The following PLEKHS1 variants were observed in gnomAD, a reference collection of about 807,000 sequenced individuals.
The protein encoded by PLEKHS1 is pleckstrin homology domain-containing family S member 1.
In PLEKHS1, 55 loss-of-function variants were observed where a neutral mutation model predicts 51.0. The ratio of observed to expected loss-of-function variants is 1.08; its 90% CI spans 0.87 to 1.35. The LOEUF (loss-of-function observed/expected upper bound fraction) is 1.35, where lower values mean the gene tolerates loss of function less well. PLEKHS1 is among the 40% of genes most tolerant of loss of function. The pLI, the probability that PLEKHS1 is intolerant of heterozygous loss-of-function variation, is 0.00. For synonymous variants in PLEKHS1, 153 were observed against 144.8 expected, an observed-to-expected ratio of 1.06 and a Z score of -0.41; for missense variants, 398 against 423.0, an observed-to-expected ratio of 0.94 and a Z score of 0.52.
In PLEKHS1 at chr10:113,756,422, C is replaced by A. The variant is rs11196477; in HGVS notation, c.28+1117C>A. On this transcript the variant is annotated intron_variant, in intron 2 of 11. Coordinates refer to ENST00000361048, the Ensembl canonical transcript of PLEKHS1. ...GTTGCAGAGAGCCAAGATCGCACCA[C>A]TGCACTCCAGACTGGGTAACAGAGC... Among the ~76,000 whole-genome samples the A allele has an allele frequency of 4.6e-3, 703 of 152,102 alleles. 6 individuals carry two copies. The highest frequency in any genetic ancestry group is 0.016 in the African/African-American group (649 of 41,488).
chr10:113,762,570 T>C (rs929810487), intron 2 of PLEKHS1, among the ~76,000 whole-genome samples: 1 of 152,008 alleles, frequency 6.6e-6, no homozygotes, highest in African/African-American at 2.4e-5. Context: ...AAAAACTTTC[T>C]AATTTATTTT....
exon 12 of PLEKHS1, chr10:113,780,681 A>T (rs775563659): frequency 2.5e-6 from 4 of 1,613,660 alleles, no homozygotes; most frequent in Non-Finnish European, 3.4e-6. Context: ...TCAAAATGCC[A>T]AAGTGCTGCA....
intron 1 of PLEKHS1, among the ~76,000 whole-genome samples, chr10:113,754,190 G>A (rs557925450): frequency 7.2e-5 from 11 of 152,296 alleles, no homozygotes; most frequent in African/African-American, 2.6e-4. Flanking sequence ...TACATGTTAG[G>A]AAGGAAGAAT....
chr10:113,758,337 G>A (rs1040256492), intron 2 of PLEKHS1, among the ~76,000 whole-genome samples: 1 of 152,200 alleles, frequency 6.6e-6, no homozygotes, highest in Non-Finnish European at 1.5e-5. Flanking sequence ...GTGTTAGCAG[G>A]CATGTAAACA....
Position 113,777,266 on chromosome 10 carries a change from C to A in PLEKHS1, c.1091+1400C>A. On this transcript the variant is annotated intron_variant, in intron 11 of 11. Transcript: ENST00000361048. ...CCGGTCCATCCAGAAGGAGGTGAGT[C>A]GTACTGACCAGCCCTGAACAGGGCA... 4 of 1,612,676 alleles carry A rather than the reference C, an allele frequency of 2.5e-6. No individual in the cohort carries two copies. The highest frequency in any genetic ancestry group is 3.4e-6 in the Non-Finnish European group (4 of 1,179,834).
rs762611963 is a variant in PLEKHS1 at position 113,769,804 on chromosome 10, T to C, written c.456T>C (p.Asn152=). 2.5e-6 allele frequency: 4 copies of C among 1,613,430 alleles called. No individual in the cohort carries two copies. The South Asian group carries it at 3.3e-5, about 13-fold the overall frequency. The change falls in exon 7 of 12, where the codon AAT becomes AAC. Residue 152 remains asparagine (N), a synonymous_variant. Coordinates refer to ENST00000361048, the Ensembl canonical transcript of PLEKHS1. ...AGCAGGAGGAACTCTCATTGGGTAA[T>C]AAAAGAACCCTCTTCTACTCCAGCC...
At chr10:113,762,607 T>A (rs1198963011) in intron 2 of PLEKHS1, among the ~76,000 whole-genome samples, 1 of 151,956 alleles carries the variant, frequency 6.6e-6, no homozygotes, top group Admixed American at 6.6e-5. Context: ...TAGAGATTAT[T>A]TATTTCAGGA....
chr10:113,767,340 A>G lies in PLEKHS1; in HGVS notation c.225-5A>G. On this transcript the variant is annotated splice_polypyrimidine_tract_variant and splice_region_variant and intron_variant, in intron 4 of 11. Coordinates refer to ENST00000361048, the Ensembl canonical transcript of PLEKHS1. Reference sequence around the variant, plus strand: ...GGTTTAATACTTTGTGTCTATATCTAATAGAAATTCCAGTGTAGAAGTTGG... The same window carrying G: ...GGTTTAATACTTTGTGTCTATATCTGATAGAAATTCCAGTGTAGAAGTTGG... 6.3e-7 allele frequency: 1 copy of G among 1,592,562 alleles called. No individual in the cohort carries two copies.
intron 11 of PLEKHS1, among the ~76,000 whole-genome samples, chr10:113,779,697 AG>A (rs1371909390): frequency 7.9e-5 from 12 of 152,176 alleles, no homozygotes; most frequent in African/African-American, 1.4e-4. Context: ...AGCCAAGAAA[AG>A]GGTTTTTGCC....
At chr10:113,780,577 A>G in intron 11 of PLEKHS1, 25 bp from the exon 13 acceptor site, 1 of 1,598,922 alleles carries the variant, frequency 6.3e-7, no homozygotes. Context: ...TTAGCCATTT[A>G]ACTTTCTTCT....
At chr10:113,783,346 C>T (rs1253893441), downstream of PLEKHS1, 1 of 152,014 alleles carries the variant, frequency 6.6e-6, no homozygotes, top group Non-Finnish European at 1.5e-5. Context: ...GTTCGTGATA[C>T]ATTAAGAATG....
intron 11 of PLEKHS1, among the ~76,000 whole-genome samples, chr10:113,778,951 T>C (rs901669334): frequency 3.9e-5 from 6 of 152,178 alleles, no homozygotes; most frequent in African/African-American, 1.4e-4. Flanking sequence ...TTATTGAGCA[T>C]CTGCTGGGTG....
chr10:113,761,140 G>A (rs1341797792), intron 2 of PLEKHS1, among the ~76,000 whole-genome samples: 1 of 152,162 alleles, frequency 6.6e-6, no homozygotes, highest in Non-Finnish European at 1.5e-5. Flanking sequence ...ATTGGCCTAT[G>A]TGTCTTATCT....
In PLEKHS1 at chr10:113,772,101, T is replaced by C; in HGVS notation, c.672+12T>C. 1 of 1,610,538 alleles carries C rather than the reference T, an allele frequency of 6.2e-7. No individual in the cohort carries two copies. Among genetic ancestry groups the C allele is most frequent in the Non-Finnish European group, 8.5e-7 (1 of 1,179,314 alleles). On this transcript the variant is annotated intron_variant, in intron 8 of 11. Coordinates refer to ENST00000361048, the Ensembl canonical transcript of PLEKHS1. ...GTGTTCTTTTAGAGGTAACCCCTTC[T>C]TGTCCATTCATCATTTGTTTCTTTA...
At chr10:113,765,137 CAA>C (rs1205184190) in intron 2 of PLEKHS1, 2 of 404,644 alleles carry the variant, frequency 4.9e-6, no homozygotes, top group African/African-American at 4.1e-5. Flanking sequence ...CCAAACATCG[CAA>C]ATTTTACCTT....
Position 113,759,715 on chromosome 10 carries a change from G to A in PLEKHS1, c.28+4410G>A, listed in dbSNP as rs146586181. ...AATATCCAGGTTGCTTCCAGTCTTC[G>A]CCTATTATAAAGCTAATATGAACAT... On this transcript the variant is annotated intron_variant, in intron 2 of 11. Coordinates refer to ENST00000361048, the Ensembl canonical transcript of PLEKHS1. 3.5e-3 allele frequency among the ~76,000 whole-genome samples: 529 copies of A among 152,088 alleles called. 5 individuals carry two copies. The highest frequency in any genetic ancestry group is 0.012 in the African/African-American group (502 of 41,488).
At chr10:113,765,099 T>C (rs923156607) in intron 2 of PLEKHS1, 7 of 357,414 alleles carry the variant, frequency 2.0e-5, no homozygotes, top group African/African-American at 1.0e-4. Context: ...CCTTCCTCTT[T>C]GTATGCCTGG....
At chr10:113,777,381 C>G in intron 11 of PLEKHS1, 122 bp downstream of exon 12, 1 of 1,609,834 alleles carries the variant, frequency 6.2e-7, no homozygotes, top group Non-Finnish European at 8.5e-7. Flanking sequence ...CTTCCACCAT[C>G]AAGTGCAAAT....
intron 2 of PLEKHS1, among the ~76,000 whole-genome samples, chr10:113,757,897 C>A (rs1843742991): frequency 6.6e-6 from 1 of 152,148 alleles, no homozygotes; most frequent in African/African-American, 2.4e-5. Flanking sequence ...CTCAAGAAAA[C>A]ACTTTCTTTT....
Sources: allele counts gnomAD v4.1 joint callset (sites outside exome capture counted in the v4.1 genomes callset), GRCh38; gene constraint gnomAD v4.1.1; transcripts MANE v1.5; gene names NCBI Gene and HGNC (gene_info 2026-07-23, HGNC 2026-07-21).